The following USP48 variants were observed in gnomAD, a reference collection of about 807,000 sequenced individuals.
USP48 encodes ubiquitin carboxyl-terminal hydrolase 48.
In USP48, 43 loss-of-function variants were observed where a neutral mutation model predicts 150.7. The observed-to-expected ratio is 0.29, with a 90% CI of 0.22 to 0.37. The LOEUF (loss-of-function observed/expected upper bound fraction) is 0.37, where lower values mean the gene tolerates loss of function less well. Ranked by LOEUF, USP48 falls within the 10% of genes least tolerant of loss-of-function variation. The probability of loss-of-function intolerance (pLI) is 1.00; values close to 1 mark genes in which losing one functional copy is unlikely to be tolerated. For synonymous variants in USP48, 396 were observed against 425.9 expected, an observed-to-expected ratio of 0.93 and a Z score of 0.86; for missense variants, 813 against 1,249.6, an observed-to-expected ratio of 0.65 and a Z score of 5.27.
At chr1:21,680,948 C>T (rs1028450796) in intron 25 of USP48, 114 bp from the exon 26 acceptor site, 2 of 748,318 alleles carry the variant, frequency 2.7e-6, no homozygotes, top group Non-Finnish European at 4.3e-6. Context: ...TTACCTTTGT[C>T]ACCTGTAATA....
chr1:21,694,831 A>G (rs978478817), intron 23 of USP48, among the ~76,000 whole-genome samples: 11 of 152,162 alleles, frequency 7.2e-5, no homozygotes. Context: ...ACATGTGACA[A>G]ATTAAGTGGT....
At position 21,726,125 on chromosome 1, in the gene USP48, C is replaced by T. The variant is rs551479696; in HGVS notation, c.1451-2030G>A. ...CAGCAGCTGGGGAGGAGTGGACAGA[C>T]AGCAGTATCTGTTATTGCTAACTGA... On this transcript the variant is annotated intron_variant, in intron 11 of 26. Coordinates refer to ENST00000308271, the MANE Select transcript of USP48 (RefSeq NM_032236.8). Among the ~76,000 whole-genome samples, 214 of 152,272 alleles carry T rather than the reference C, an allele frequency of 1.4e-3. 2 individuals carry two copies. Among genetic ancestry groups the T allele is most frequent in the Non-Finnish European group, 2.6e-3 (176 of 68,020 alleles).
At chr1:21,696,677 GA>G (rs2097632958) in intron 22 of USP48, among the ~76,000 whole-genome samples, 4 of 152,098 alleles carry the variant, frequency 2.6e-5, no homozygotes, top group Admixed American at 2.6e-4. Flanking sequence ...TTTTAGAGGG[GA>G]AATGTCATGA....
chr1:21,722,378 A>G (rs900409012), intron 12 of USP48, among the ~76,000 whole-genome samples: 5 of 150,986 alleles, frequency 3.3e-5, no homozygotes, highest in Non-Finnish European at 1.5e-5. Context: ...GTCTCTACAA[A>G]AAGTGTAAAA....
chr1:21,706,267 G>T, intron 17 of USP48, 80 bp from the exon 18 acceptor site: 1 of 1,535,294 alleles, frequency 6.5e-7, no homozygotes, highest in Non-Finnish European at 8.9e-7. Flanking sequence ...TACTTTGGTT[G>T]TCCTTATTCA....
rs1021726639 is a variant in USP48 at position 21,724,919 on chromosome 1, T to G, written c.1451-824A>C. 3 of 152,110 alleles carry G rather than the reference T, an allele frequency of 2.0e-5. No individual in the cohort carries two copies. The East Asian group carries it at 5.8e-4, about 29-fold the overall frequency. The allele number at this position is 152,110 out of a possible 1,614,324, so 9.4% of individuals were successfully genotyped here. On this transcript the variant is annotated intron_variant, in intron 11 of 26. Coordinates refer to ENST00000308271, the MANE Select transcript of USP48 (RefSeq NM_032236.8). ...CCAGCTTTGATTACTTACAAAGATC[T>G]CCAGTGAGTCCCAGCATAAAACATA...
At chr1:21,700,063 C>CCG (rs1311392058) in intron 22 of USP48, among the ~76,000 whole-genome samples, 3 of 149,904 alleles carry the variant, frequency 2.0e-5, no homozygotes, top group Non-Finnish European at 4.4e-5. Flanking sequence ...GACTTTGCTG[C>CCG]CCTTCTTTAC....
chr1:21,724,352 C>T (rs1330816691), intron 11 of USP48: 2 of 596,726 alleles, frequency 3.4e-6, no homozygotes, highest in African/African-American at 3.7e-5. Flanking sequence ...TTATTAACCA[C>T]ATTCTACAAG....
chr1:21,729,087 A>T (rs1402782399), intron 10 of USP48, among the ~76,000 whole-genome samples: 1 of 152,132 alleles, frequency 6.6e-6, no homozygotes, highest in Non-Finnish European at 1.5e-5. Context: ...ATTCAAGACC[A>T]GCCTGGCCAA....
chr1:21,740,251 C>T (rs1022531985), intron 8 of USP48, among the ~76,000 whole-genome samples: 1 of 152,180 alleles, frequency 6.6e-6, no homozygotes, highest in African/African-American at 2.4e-5. Context: ...TCACATAGCA[C>T]AATGTCCTCC....
In USP48 at chr1:21,691,782, C is replaced by G. The variant is rs527493711; in HGVS notation, c.2884-1683G>C. On this transcript the variant is annotated intron_variant, in intron 23 of 26. Transcript: ENST00000308271. The stretch of plus-strand genomic sequence containing the variant: ...CAAGAAGAAGTTGGGCTCAGACAGG[C>G]AAACACAGGTAACCTTCAATGACAC... Among the ~76,000 whole-genome samples, 3 of 152,156 alleles carry G rather than the reference C, an allele frequency of 2.0e-5. No individual in the cohort carries two copies. In the South Asian group the frequency reaches 6.2e-4, roughly 32 times the overall value.
At chr1:21,742,178 C>T (rs976489660) in intron 8 of USP48, among the ~76,000 whole-genome samples, 1 of 152,116 alleles carries the variant, frequency 6.6e-6, no homozygotes, top group Non-Finnish European at 1.5e-5. Flanking sequence ...CTGCACTGCA[C>T]TCTCCCCGTT....
chr1:21,746,311 C>T (rs988240737), intron 8 of USP48, among the ~76,000 whole-genome samples: 1 of 152,070 alleles, frequency 6.6e-6, no homozygotes, highest in Admixed American at 6.6e-5. Flanking sequence ...ACCAGCTTGG[C>T]CAACACGGCA....
At chr1:21,766,594 T>C (rs1412064707) in intron 1 of USP48, among the ~76,000 whole-genome samples, 1 of 152,164 alleles carries the variant, frequency 6.6e-6, no homozygotes, top group East Asian at 1.9e-4. Flanking sequence ...AGTTCAAAGA[T>C]TCATCCTTTG....
chr1:21,715,282 T>A lies in USP48; in HGVS notation c.1963+107A>T, dbSNP rs574326296. The A allele has an allele frequency of 1.8e-3, 1,373 of 743,868 alleles. 1 individual carries two copies. Among genetic ancestry groups the A allele is most frequent in the Non-Finnish European group, 2.7e-3 (1,266 of 465,128 alleles). The allele number at this position is 743,868 out of a possible 1,614,324, so 46.1% of individuals were successfully genotyped here. A position where few individuals can be genotyped will look rare whatever the true frequency, so the allele number is the denominator to read the frequency against. On this transcript the variant is annotated intron_variant, in intron 15 of 26. Coordinates refer to ENST00000308271, the MANE Select transcript of USP48 (RefSeq NM_032236.8). ...TATGGGGAAATTCTATTAAAAAAAA[T>A]TTTTCCCAGGTAAGATGTGAGAGAT...
At chr1:21,753,221 C>G in intron 3 of USP48, 102 bp from the exon 4 acceptor site, 1 of 1,193,206 alleles carries the variant, frequency 8.4e-7, no homozygotes. Context: ...ATCTCTACAT[C>G]CAAACTAGAT....
intron 25 of USP48, among the ~76,000 whole-genome samples, chr1:21,682,468 AG>A (rs2097568591): frequency 6.7e-6 from 1 of 149,618 alleles, no homozygotes; most frequent in African/African-American, 2.5e-5. Context: ...CATTATTTAT[AG>A]GTTATTTTCC....
intron 1 of USP48, among the ~76,000 whole-genome samples, chr1:21,761,512 C>T (rs1275875735): frequency 6.6e-6 from 1 of 152,136 alleles, no homozygotes; most frequent in Non-Finnish European, 1.5e-5. Context: ...ACCTTTCAGA[C>T]TTTGAACAAT....
intron 14 of USP48, 114 bp downstream of exon 14, chr1:21,720,921 GC>G: frequency 7.3e-7 from 1 of 1,370,822 alleles, no homozygotes; most frequent in Non-Finnish European, 1.0e-6. Context: ...CAAGTGATCT[GC>G]CCGTCTGAGC....
Sources: allele counts gnomAD v4.1 joint callset (sites outside exome capture counted in the v4.1 genomes callset), GRCh38; gene constraint gnomAD v4.1.1; transcripts MANE v1.5; gene names NCBI Gene and HGNC (gene_info 2026-07-23, HGNC 2026-07-21).